The following IVD variants were observed in gnomAD, a reference collection of about 807,000 sequenced individuals.
IVD encodes isovaleryl-CoA dehydrogenase.
In IVD, 31 loss-of-function variants were observed where a neutral mutation model predicts 51.3. That is an observed-to-expected ratio of 0.60 (90% confidence interval 0.45 to 0.81). The LOEUF is 0.81. IVD is among the 40% of genes least tolerant of loss of function. The pLI is 0.00. For synonymous variants in IVD, 205 were observed against 219.4 expected, an observed-to-expected ratio of 0.93 and a Z score of 0.58; for missense variants, 475 against 552.0, an observed-to-expected ratio of 0.86 and a Z score of 1.40.
At chr15:40,426,737 G>A (rs1460393997), downstream of IVD, among the ~76,000 whole-genome samples, 1 of 152,052 alleles carries the variant, frequency 6.6e-6, no homozygotes, top group Non-Finnish European at 1.5e-5. Flanking sequence ...AGGTGACTTG[G>A]GGCAAAAGTT....
downstream of IVD, among the ~76,000 whole-genome samples, chr15:40,426,011 A>C (rs377112449): frequency 1.4e-5 from 2 of 145,516 alleles, no homozygotes; most frequent in Non-Finnish European, 3.0e-5. Context: ...GGGTCTCACT[A>C]TGTTGCCCAG....
At chr15:40,425,440 C>CTATATATATA (rs72252183), downstream of IVD, among the ~76,000 whole-genome samples, 401 of 137,776 alleles carry the variant, frequency 2.9e-3, 2 homozygotes, top group African/African-American at 0.01. Context: ...TGGACTCATA[C>CTATATATATA]TATATATATA....
intron 11 of IVD, among the ~76,000 whole-genome samples, 165 bp from the exon 12 acceptor site, chr15:40,417,965 G>A (rs995124311): frequency 6.6e-6 from 1 of 152,142 alleles, no homozygotes; most frequent in Non-Finnish European, 1.5e-5. Flanking sequence ...CCAAGGATAA[G>A]GAAGGACTAG....
chr15:40,410,867 C>CT (rs1204595951), intron 4 of IVD, 70 bp downstream of exon 4: 2 of 1,561,148 alleles, frequency 1.3e-6, no homozygotes, highest in Non-Finnish European at 1.7e-6. Context: ...ACCCTCTCCC[C>CT]TTGGGGGCCA....
At chr15:40,429,424 T>A (rs1892847646), downstream of IVD, among the ~76,000 whole-genome samples, 1 of 152,188 alleles carries the variant, frequency 6.6e-6, no homozygotes, top group Non-Finnish European at 1.5e-5. Context: ...GAGATAGACA[T>A]AAAAACTATG....
rs1892280498 is a variant in IVD, at chr15:40,421,302, AAATG to A, written c.*3042_*3045del. The A allele has an allele frequency of 1.0e-6, 1 of 985,500 alleles. No individual in the cohort carries two copies. 61.0% of individuals were successfully genotyped at this position (985,500 alleles called of 1,614,324 possible). On this transcript the variant is annotated 3_prime_UTR_variant, in exon 12 of 12. Coordinates refer to ENST00000487418, the MANE Select transcript of IVD (RefSeq NM_002225.5). ...TTTAAAATTAAAAGCAAAAAAAACA[AAATG>A]AACCATGCAGCCTGAGTGGTAAATG...
In IVD at chr15:40,418,821, T is replaced by A; in HGVS notation, c.*558T>A. Reference sequence around the variant, plus strand: ...GGCAAATTCAACTTTCAGTCTCTTTTCTGGGGGAAAAAAATAATAAACCTA... The same window carrying A: ...GGCAAATTCAACTTTCAGTCTCTTTACTGGGGGAAAAAAATAATAAACCTA... On this transcript the variant is annotated 3_prime_UTR_variant, in exon 12 of 12. Coordinates refer to ENST00000487418, the MANE Select transcript of IVD (RefSeq NM_002225.5). 1 of 1,024,062 alleles carries A rather than the reference T, an allele frequency of 9.8e-7. No homozygotes were observed. The highest frequency in any genetic ancestry group is 7.3e-5 in the East Asian group (1 of 13,760). The allele number at this position is 1,024,062 out of a possible 1,614,324, so 63.4% of individuals were successfully genotyped here. A position where few individuals can be genotyped will look rare whatever the true frequency, so the allele number is the denominator to read the frequency against.
chr15:40,416,237 C>A, intron 10 of IVD, 53 bp from the exon 11 acceptor site: 1 of 1,611,828 alleles, frequency 6.2e-7, no homozygotes. Flanking sequence ...GCTGCTGAGA[C>A]TTGCTGTCTG....
rs928740639 is a variant in IVD at position 40,418,212 on chromosome 15, C to T, written c.1221C>T (p.Ser407=). 1.9e-6 allele frequency: 3 copies of T among 1,614,076 alleles called. No individual in the cohort carries two copies. Among genetic ancestry groups the T allele is most frequent in the African/African-American group, 1.3e-5 (1 of 74,922 alleles). ...TGTATGAGATAGGGGCTGGGACCAGCGAGGTGAGGCGGCTGGTCATCGGCA... is the reference window on the plus strand; with the variant it reads ...TGTATGAGATAGGGGCTGGGACCAGTGAGGTGAGGCGGCTGGTCATCGGCA... The part of the protein sequence containing the change: ...AKLYEIGAGT[S]EVRRLVIGRA... The change falls in exon 12 of 12, where the codon AGC becomes AGT. Residue 407 remains serine, a synonymous_variant. Transcript: ENST00000487418.
chr15:40,421,625 T>C (rs1892305871), downstream of IVD, among the ~76,000 whole-genome samples: 1 of 152,222 alleles, frequency 6.6e-6, no homozygotes, highest in Non-Finnish European at 1.5e-5. Flanking sequence ...GCCCCAGACC[T>C]AATCACATCC....
Position 40,431,731 on chromosome 15 carries a change from A to G in IVD, c.720-2123A>G, listed in dbSNP as rs563323798. 1.4e-3 allele frequency among the ~76,000 whole-genome samples: 208 copies of G among 152,142 alleles called. 2 individuals carry two copies. Among genetic ancestry groups the G allele is most frequent in the Non-Finnish European group, 2.1e-3 (146 of 67,982 alleles). The stretch of plus-strand genomic sequence containing the variant: ...AAAGATTATGTGTAAAGAGCTTAAC[A>G]CAGTGCCTAACTCATGGAATCTCTC... On this transcript the variant is annotated intron_variant, in intron 7 of 8. Coordinates refer to the IVD transcript ENST00000473112.
At chr15:40,414,098 A>C (rs112635601) in intron 7 of IVD, among the ~76,000 whole-genome samples, 189 of 152,184 alleles carry the variant, frequency 1.2e-3, no homozygotes, top group African/African-American at 4.4e-3. Flanking sequence ...ACCTCAGGTG[A>C]TCCACCTGTC....
chr15:40,427,713 T>C (rs1037157723), downstream of IVD, among the ~76,000 whole-genome samples: 46 of 152,236 alleles, frequency 3.0e-4, no homozygotes, highest in African/African-American at 1.1e-3. Context: ...CTATAAGATA[T>C]ATTAAGATTT....
intron 7 of IVD, among the ~76,000 whole-genome samples, chr15:40,432,054 C>A (rs184575928): frequency 4.0e-5 from 6 of 151,782 alleles, no homozygotes; most frequent in Non-Finnish European, 8.8e-5. Flanking sequence ...ATCTCCACCC[C>A]CCAGGTTCAA....
In IVD at chr15:40,420,671, C is replaced by G. The variant is rs1211163972; in HGVS notation, c.*2408C>G. The G allele has an allele frequency of 1.0e-5, 10 of 987,286 alleles. No individual in the cohort carries two copies. Among genetic ancestry groups the G allele is most frequent in the Middle Eastern group, 3.0e-4 (1 of 3,382 alleles). 61.2% of individuals were successfully genotyped at this position (987,286 alleles called of 1,614,324 possible). On this transcript the variant is annotated 3_prime_UTR_variant, in exon 12 of 12. Coordinates refer to ENST00000487418, the MANE Select transcript of IVD (RefSeq NM_002225.5). ...GGGAGCCCAGAGTGCTAAGTTCTTA[C>G]AGCCAGAAGGAAGCTTATAGATTTC... is the stretch of plus-strand genomic sequence containing the variant.
Position 40,420,297 on chromosome 15 carries a change from A to G in IVD, c.*2034A>G, listed in dbSNP as rs1892179419. 7.1e-6 allele frequency: 7 copies of G among 987,714 alleles called. No homozygotes were observed. Among genetic ancestry groups the G allele is most frequent in the Non-Finnish European group, 8.4e-6 (7 of 830,176 alleles). 61.2% of individuals were successfully genotyped at this position (987,714 alleles called of 1,614,324 possible). A position where few individuals can be genotyped will look rare whatever the true frequency, so the allele number is the denominator to read the frequency against. ...GACCACCCACAGCTGACTGGGCAGCAGGCACAGGCCCTACCCGAGCAGGCC... is the reference window on the plus strand; with the variant it reads ...GACCACCCACAGCTGACTGGGCAGCGGGCACAGGCCCTACCCGAGCAGGCC... On this transcript the variant is annotated 3_prime_UTR_variant, in exon 12 of 12. Transcript: ENST00000487418.
intron 5 of IVD, 22 bp from the exon 6 acceptor site, chr15:40,411,533 A>G: frequency 1.2e-6 from 2 of 1,614,192 alleles, no homozygotes; most frequent in South Asian, 2.2e-5. Flanking sequence ...GCTTGAGCAA[A>G]TAGCCAACAT....
chr15:40,419,059 C>T lies in IVD; in HGVS notation c.*796C>T. On this transcript the variant is annotated 3_prime_UTR_variant, in exon 12 of 12. Coordinates refer to ENST00000487418, the MANE Select transcript of IVD (RefSeq NM_002225.5). ...GCTGAGGCAGGAGAATTACTTGAAC[C>T]CAGGAGGCGGACGTTGCAGTGAGCC... The T allele has an allele frequency of 1.1e-6, 1 of 909,514 alleles. No individual in the cohort carries two copies. The highest frequency in any genetic ancestry group is 1.5e-6 in the Non-Finnish European group (1 of 646,544). 56.3% of individuals were successfully genotyped at this position (909,514 alleles called of 1,614,324 possible).
intron 7 of IVD, among the ~76,000 whole-genome samples, chr15:40,432,934 T>C (rs1292455081): frequency 3.3e-5 from 5 of 152,178 alleles, no homozygotes; most frequent in African/African-American, 7.2e-5. Context: ...CTGATTCCAG[T>C]ATGGAAGCAG....
Sources: gnomAD v4.1 joint callset for allele counts (sites outside exome capture counted in the v4.1 genomes callset) on GRCh38, gnomAD v4.1.1 for gene constraint, MANE v1.5 for transcripts, NCBI Gene and HGNC (gene_info 2026-07-23, HGNC 2026-07-21) for gene names.